Variants in STK3 observed in about 807,000 individuals in gnomAD.
STK3 encodes the protein serine/threonine-protein kinase 3.
A neutral mutation model predicts 58.0 loss-of-function variants in STK3; 41 were observed. The observed-to-expected ratio is 0.71, with a 90% CI of 0.55 to 0.92. STK3 has a LOEUF of 0.92. STK3 is among the 40% of genes least tolerant of loss of function. The pLI is 0.00. For missense variants in STK3, 479 were observed against 602.7 expected (o/e 0.79, Z 2.15); for synonymous variants, 170 against 191.0 (o/e 0.89, Z 0.91).
intron 6 of STK3, among the ~76,000 whole-genome samples, chr8:98,632,746 T>C (rs1277171809): frequency 1.3e-5 from 2 of 152,122 alleles, no homozygotes; most frequent in Admixed American, 1.3e-4. Flanking sequence ...AAAAAGCAAT[T>C]TATAACACCA....
At chr8:98,886,730 A>T (rs1341293625) in intron 1 of STK3, among the ~76,000 whole-genome samples, 2 of 152,230 alleles carry the variant, frequency 1.3e-5, no homozygotes, top group East Asian at 3.8e-4. Flanking sequence ...CCTAAAATCC[A>T]CAAATGCTTA....
chr8:98,567,510 T>C (rs777917863), intron 8 of STK3, among the ~76,000 whole-genome samples: 1 of 152,214 alleles, frequency 6.6e-6, no homozygotes, highest in Non-Finnish European at 1.5e-5. Flanking sequence ...TTTACTTCTA[T>C]TCTAATCAAC....
chr8:98,841,146 A>G (rs1835965382), intron 3 of STK3, among the ~76,000 whole-genome samples: 2 of 152,220 alleles, frequency 1.3e-5, no homozygotes, highest in African/African-American at 4.8e-5. Context: ...GTCTTTTGCA[A>G]CCTAATCAGA....
At chr8:98,855,985 C>T (rs1397778082) in intron 3 of STK3, among the ~76,000 whole-genome samples, 1 of 151,828 alleles carries the variant, frequency 6.6e-6, no homozygotes, top group African/African-American at 2.4e-5. Context: ...GGCAAAACTC[C>T]GTCTCTACTA....
chr8:98,590,505 G>A (rs1024846842), intron 7 of STK3, among the ~76,000 whole-genome samples: 2 of 152,148 alleles, frequency 1.3e-5, no homozygotes, highest in African/African-American at 4.8e-5. Flanking sequence ...ATGTATCTTG[G>A]GCTGGTCGGT....
chr8:98,766,243 C>T (rs1214594458), intron 3 of STK3, among the ~76,000 whole-genome samples: 6 of 152,114 alleles, frequency 3.9e-5, no homozygotes, highest in African/African-American at 7.2e-5. Context: ...ACACTACTGA[C>T]CCCTCAAAAA....
chr8:98,792,059 C>T (rs1832837639), intron 1 of STK3, among the ~76,000 whole-genome samples: 1 of 152,132 alleles, frequency 6.6e-6, no homozygotes, highest in South Asian at 2.1e-4. Flanking sequence ...ACAATCTATA[C>T]ATCTGACAAA....
the STK3 span, among the ~76,000 whole-genome samples, chr8:98,351,806 G>A: frequency 6.6e-6 from 1 of 152,176 alleles, no homozygotes; most frequent in Admixed American, 6.5e-5. Context: ...CCAAATCCAA[G>A]TTAGAAAGTG....
At chr8:98,657,406 T>C (rs1197846416) in intron 6 of STK3, among the ~76,000 whole-genome samples, 2 of 152,140 alleles carry the variant, frequency 1.3e-5, no homozygotes, top group Non-Finnish European at 2.9e-5. Flanking sequence ...TTAACCATTA[T>C]GTTTTCTTGC....
At chr8:98,771,562 T>C (rs867875068) in intron 2 of STK3, among the ~76,000 whole-genome samples, 4 of 151,986 alleles carry the variant, frequency 2.6e-5, no homozygotes, top group African/African-American at 7.2e-5. Context: ...TATACAAACA[T>C]ATACGTATCT....
chr8:98,526,294 G>A (rs1825738472), intron 10 of STK3: 1 of 152,134 alleles, frequency 6.6e-6, no homozygotes, highest in Non-Finnish European at 1.5e-5. Context: ...GAGAAACCAA[G>A]TGGAATTAAC....
the STK3 span, among the ~76,000 whole-genome samples, chr8:98,361,359 T>G: frequency 9.2e-5 from 14 of 152,302 alleles, no homozygotes; most frequent in East Asian, 2.7e-3. Context: ...TATTATGGTG[T>G]GGTTAAGGGC....
intron 4 of STK3, among the ~76,000 whole-genome samples, chr8:98,743,108 A>C (rs1829352209): frequency 6.6e-6 from 1 of 152,148 alleles, no homozygotes; most frequent in Admixed American, 6.5e-5. Context: ...AGAACATTCC[A>C]TGCTCATGGG....
chr8:98,562,548 T>A (rs2131638588), intron 8 of STK3, among the ~76,000 whole-genome samples: 1 of 151,606 alleles, frequency 6.6e-6, no homozygotes, highest in South Asian at 2.1e-4. Context: ...GGATTTTTTT[T>A]AAGGGTGATG....
intron 10 of STK3, among the ~76,000 whole-genome samples, chr8:98,513,179 A>G (rs983694433): frequency 3.3e-5 from 5 of 152,108 alleles, no homozygotes; most frequent in Non-Finnish European, 7.4e-5. Context: ...AATAATGTAC[A>G]AGCACCACCT....
At chr8:98,819,942 T>C (rs1834779045) in intron 1 of STK3, among the ~76,000 whole-genome samples, 3 of 152,230 alleles carry the variant, frequency 2.0e-5, no homozygotes, top group Non-Finnish European at 4.4e-5. Flanking sequence ...GAGAGTTATC[T>C]GCTATCTCTC....
chr8:98,579,525 C>G, intron 8 of STK3, 139 bp downstream of exon 8: 5 of 1,089,548 alleles, frequency 4.6e-6, no homozygotes, highest in Non-Finnish European at 6.4e-6. Flanking sequence ...ATAAGGCAAA[C>G]CAAATATATT....
chr8:98,924,300 T>G (rs1323069578), intron 1 of STK3, among the ~76,000 whole-genome samples: 1 of 152,246 alleles, frequency 6.6e-6, no homozygotes, highest in African/African-American at 2.4e-5. Context: ...TATCTGCTTC[T>G]GTTTCTCTGC....
chr8:98,520,350 A>G (rs16897061), intron 10 of STK3, among the ~76,000 whole-genome samples: 47,732 of 152,016 alleles, frequency 0.31, 8,904 homozygotes, highest in Admixed American at 0.5. Context: ...GGAACATAAC[A>G]TAAGAAAATC....
Sources: gnomAD v4.1 joint callset for allele counts (sites outside exome capture counted in the v4.1 genomes callset) on GRCh38, gnomAD v4.1.1 for gene constraint, MANE v1.5 for transcripts, NCBI Gene and HGNC (gene_info 2026-07-23, HGNC 2026-07-21) for gene names.